The following OGG1 variants were observed in gnomAD, a reference collection of about 807,000 sequenced individuals.
The protein encoded by OGG1 is 8-oxoguanine DNA glycosylase.
Under a neutral mutation model 42.3 loss-of-function variants are expected in OGG1, and 35 were observed. The observed-to-expected ratio is 0.83, with a 90% confidence interval of 0.63 to 1.10. The LOEUF (loss-of-function observed/expected upper bound fraction) is 1.10. Ranked by LOEUF, OGG1 falls within the 50% of genes least tolerant of loss-of-function variation. The probability of loss-of-function intolerance (pLI) is 0.00; values close to 1 mark genes in which losing one functional copy is unlikely to be tolerated. For synonymous variants in OGG1, 189 were observed against 179.0 expected (o/e 1.06, Z -0.44); for missense variants, 484 against 446.7 (o/e 1.08, Z -0.75).
chr3:9,767,040 C>T (rs1245184743), downstream of OGG1, among the ~76,000 whole-genome samples: 1 of 152,158 alleles, frequency 6.6e-6, no homozygotes, highest in East Asian at 1.9e-4. Flanking sequence ...TACCTCTCTC[C>T]ACATAGAACC....
At chr3:9,773,098 A>G (rs1021761197) in intron 2 of OGG1, among the ~76,000 whole-genome samples, 4 of 152,046 alleles carry the variant, frequency 2.6e-5, no homozygotes, top group African/African-American at 9.7e-5. Context: ...GTGTGGTGGC[A>G]TGCACCTGTA....
At position 9,751,659 on chromosome 3, in the gene OGG1, T is replaced by G. The variant is rs4986999; in HGVS notation, c.386-111T>G. 3,193 of 998,038 alleles carry G rather than the reference T, an allele frequency of 3.2e-3. 25 individuals are homozygous for G. Among genetic ancestry groups the G allele is most frequent in the Middle Eastern group, 0.012 (56 of 4,786 alleles). 61.8% of individuals were successfully genotyped at this position (998,038 alleles called of 1,614,324 possible). On this transcript the variant is annotated intron_variant, in intron 2 of 6. Transcript: ENST00000344629. Reference sequence around the variant, plus strand: ...CTTTCTCTAACGGTGCTGACTCTCATTCTCCTGGGATCCTCCTGGAGTTTT... The same window carrying G: ...CTTTCTCTAACGGTGCTGACTCTCAGTCTCCTGGGATCCTCCTGGAGTTTT...
At chr3:9,788,012 G>A in exon 4 of OGG1, 1 of 299,854 alleles carries the variant, frequency 3.3e-6, no homozygotes, top group Non-Finnish European at 6.6e-6. Context: ...AGAGGGATAT[G>A]GCCGAGGAAA....
At chr3:9,767,564 G>T (rs2125597326), downstream of OGG1, 1 of 1,465,370 alleles carries the variant, frequency 6.8e-7, no homozygotes, top group East Asian at 2.3e-5. Flanking sequence ...CTGCCACAGG[G>T]CCTGGGCTGT....
rs992782357 is a variant in OGG1, at chr3:9,757,058, C to T, written c.949-3C>T. On this transcript the variant is annotated splice_region_variant and splice_polypyrimidine_tract_variant and intron_variant, in intron 6 of 6. Transcript: ENST00000344629. The surrounding 1 kb of genome is among the most constrained non-coding windows in gnomAD (Gnocchi z 4.5). ...TCCCCACACAGACTCCACCCTCCTA[C>T]AGGTGCTGTTCAGTGCCGACCTGCG... The T allele has an allele frequency of 4.3e-6, 7 of 1,614,104 alleles. No individual in the cohort carries two copies. Among genetic ancestry groups the T allele is most frequent in the Non-Finnish European group, 5.9e-6 (7 of 1,180,030 alleles).
At chr3:9,771,375 T>C (rs965072644), downstream of OGG1, among the ~76,000 whole-genome samples, 3 of 152,214 alleles carry the variant, frequency 2.0e-5, no homozygotes, top group Admixed American at 6.5e-5. Flanking sequence ...CTGAGGTTCC[T>C]GGAAAGGCTT....
At chr3:9,752,603 C>T (rs531406243) in intron 3 of OGG1, among the ~76,000 whole-genome samples, 2 of 150,490 alleles carry the variant, frequency 1.3e-5, no homozygotes, top group East Asian at 1.9e-4. Flanking sequence ...TCTAAGAACA[C>T]GTGTGTTCTT....
At chr3:9,755,486 G>C (rs1371163717) in intron 4 of OGG1, among the ~76,000 whole-genome samples, 1 of 148,346 alleles carries the variant, frequency 6.7e-6, no homozygotes, top group Non-Finnish European at 1.5e-5. Context: ...TTTTTTTGAG[G>C]TGGAGTCTTG....
chr3:9,790,370 T>C (rs1009384549), downstream of OGG1, among the ~76,000 whole-genome samples: 3 of 152,216 alleles, frequency 2.0e-5, no homozygotes, highest in African/African-American at 7.2e-5. Context: ...GGAGGGTCCA[T>C]GGATTCCCAG....
At chr3:9,782,445 C>T (rs1165349252) in intron 3 of OGG1, among the ~76,000 whole-genome samples, 4 of 152,170 alleles carry the variant, frequency 2.6e-5, no homozygotes, top group African/African-American at 9.7e-5. Context: ...ACATAAAGCC[C>T]CTGACACACA....
downstream of OGG1, chr3:9,767,581 C>G (rs572133528): frequency 5.1e-6 from 8 of 1,556,150 alleles, no homozygotes; most frequent in East Asian, 1.8e-4. Context: ...CTGTGGGAAA[C>G]AGGAAGCATT....
intron 3 of OGG1, among the ~76,000 whole-genome samples, chr3:9,786,262 T>C (rs904032185): frequency 6.6e-6 from 1 of 152,180 alleles, no homozygotes; most frequent in African/African-American, 2.4e-5. Flanking sequence ...TCTGTGGGAC[T>C]GGAGTGACAA....
Position 9,754,702 on chromosome 3 carries a change from A to G in OGG1, c.566-2A>G, listed in dbSNP as rs1486208490. On this transcript the variant is annotated splice_acceptor_variant, in intron 3 of 6. Coordinates refer to ENST00000344629, the MANE Select transcript of OGG1 (RefSeq NM_002542.6). LOFTEE classifies it high-confidence loss of function. The stretch of plus-strand genomic sequence containing the variant: ...GCTTGCCCTCCTCCTCACTCCCCGC[A>G]GGGCCAGAGGTGGAGGCTCATCTCA... The G allele has an allele frequency of 1.2e-6, 2 of 1,614,034 alleles. No individual in the cohort carries two copies. Among genetic ancestry groups the G allele is most frequent in the Middle Eastern group, 1.6e-4 (1 of 6,062 alleles).
chr3:9,784,837 C>A (rs1450419136), intron 3 of OGG1, among the ~76,000 whole-genome samples: 1 of 148,502 alleles, frequency 6.7e-6, no homozygotes, highest in Non-Finnish European at 1.5e-5. Context: ...GCGCTCCAAC[C>A]TAAACGACAA....
chr3:9,769,393 C>T (rs567078064), downstream of OGG1, among the ~76,000 whole-genome samples: 1 of 152,126 alleles, frequency 6.6e-6, no homozygotes, highest in Admixed American at 6.5e-5. Flanking sequence ...TTGTACACCC[C>T]CTCCTAACTC....
At chr3:9,762,926 G>T in intron 7 of OGG1, 2 of 1,614,112 alleles carry the variant, frequency 1.2e-6, no homozygotes, top group Non-Finnish European at 1.7e-6. Context: ...TGAGATCCCG[G>T]TGTACAATGC....
At chr3:9,771,276 C>A (rs553437732), downstream of OGG1, among the ~76,000 whole-genome samples, 1 of 152,242 alleles carries the variant, frequency 6.6e-6, no homozygotes, top group African/African-American at 2.4e-5. Context: ...CCTCCCCAAT[C>A]AGCTTCCCAA....
In OGG1 at chr3:9,750,138, G is replaced by A. The variant is rs1575178709; in HGVS notation, c.-149G>A. The A allele has an allele frequency of 4.0e-6, 4 of 999,884 alleles. No homozygotes were observed. Among genetic ancestry groups the A allele is most frequent in the African/African-American group, 3.2e-5 (2 of 62,150 alleles). The allele number at this position is 999,884 out of a possible 1,614,324, so 61.9% of individuals were successfully genotyped here. A position where few individuals can be genotyped will look rare whatever the true frequency, so the allele number is the denominator to read the frequency against. On this transcript the variant is annotated 5_prime_UTR_variant, in exon 1 of 7. Coordinates refer to ENST00000344629, the MANE Select transcript of OGG1 (RefSeq NM_002542.6). ...AGGGCGAGGCATGCAGGAGGTGGAG[G>A]AATTAAGTGAAACAGGGAAGGTTGT...
intron 2 of OGG1, among the ~76,000 whole-genome samples, chr3:9,773,003 C>T (rs1030337284): frequency 2.0e-5 from 3 of 151,870 alleles, no homozygotes; most frequent in African/African-American, 7.3e-5. Flanking sequence ...CCAAGGTGGG[C>T]AGATCATCTG....
Sources: gnomAD v4.1 joint callset for allele counts (sites outside exome capture counted in the v4.1 genomes callset) on GRCh38, gnomAD v4.1.1 for gene constraint, Gnocchi (gnomAD v3.1) non-coding constraint, MANE v1.5 for transcripts, NCBI Gene and HGNC (gene_info 2026-07-23, HGNC 2026-07-21) for gene names.